The following NVL variants were observed in gnomAD, a reference collection of about 807,000 sequenced individuals.
NVL encodes nuclear valosin-containing protein-like.
Under a neutral mutation model 110.2 loss-of-function variants are expected in NVL, and 84 were observed. That is an observed-to-expected ratio of 0.76 (90% CI 0.64 to 0.91). NVL has a LOEUF of 0.91. Ranked by LOEUF, NVL falls within the 40% of genes least tolerant of loss-of-function variation. NVL has a pLI of 0.00. For synonymous variants in NVL, 354 were observed against 361.1 expected, an observed-to-expected ratio of 0.98 and a Z score of 0.22; for missense variants, 882 against 1,035.9, an observed-to-expected ratio of 0.85 and a Z score of 2.04.
chr1:224,290,118 A>T lies in NVL; in HGVS notation c.1326-385T>A, dbSNP rs1017593400. Among the ~76,000 whole-genome samples the T allele has an allele frequency of 3.7e-4, 56 of 152,204 alleles. 1 individual carries two copies. Among genetic ancestry groups the T allele is most frequent in the Non-Finnish European group, 7.3e-5 (5 of 68,044 alleles). The stretch of plus-strand genomic sequence containing the variant: ...AGCCCCCACATACACACAAACCATT[A>T]ATTATCTTCATCATTGAAAATTATC... On this transcript the variant is annotated intron_variant, in intron 12 of 22. Coordinates refer to ENST00000281701, the MANE Select transcript of NVL (RefSeq NM_002533.4).
chr1:224,254,097 T>G (rs181351840), intron 18 of NVL, among the ~76,000 whole-genome samples: 1 of 152,078 alleles, frequency 6.6e-6, no homozygotes, highest in Non-Finnish European at 1.5e-5. Flanking sequence ...TACAACATGT[T>G]TTTTTTTGTT....
At chr1:224,315,799 A>G (rs1006939750) in intron 4 of NVL, among the ~76,000 whole-genome samples, 5 of 152,216 alleles carry the variant, frequency 3.3e-5, no homozygotes, top group Non-Finnish European at 2.9e-5. Flanking sequence ...TTCTGTCACT[A>G]TATGTTACAT....
intron 18 of NVL, among the ~76,000 whole-genome samples, chr1:224,253,549 A>G (rs1662764922): frequency 6.6e-6 from 1 of 150,782 alleles, no homozygotes; most frequent in Non-Finnish European, 1.5e-5. Flanking sequence ...CCTGGCCAAC[A>G]TGGTGAAACC....
At chr1:224,319,017 T>C (rs1174705931) in intron 2 of NVL, among the ~76,000 whole-genome samples, 3 of 144,990 alleles carry the variant, frequency 2.1e-5, no homozygotes, top group African/African-American at 7.7e-5. Flanking sequence ...CAGCTGGGTG[T>C]GGTGGTGCAC....
chr1:224,328,499 C>A (rs181344944), intron 1 of NVL, among the ~76,000 whole-genome samples: 4 of 150,222 alleles, frequency 2.7e-5, no homozygotes, highest in African/African-American at 9.8e-5. Context: ...ATGTCTCTGG[C>A]TGCTCTGTGG....
chr1:224,290,977 T>TA (rs1381058437), intron 12 of NVL, among the ~76,000 whole-genome samples: 3 of 151,656 alleles, frequency 2.0e-5, no homozygotes, highest in African/African-American at 2.4e-5. Flanking sequence ...TCGAATAATT[T>TA]AAAAAAAAGA....
At position 224,305,170 on chromosome 1, in the gene NVL, G is replaced by A; in HGVS notation, c.616-4C>T. Reference sequence around the variant, plus strand: ...AAAGAGAAGAATCTTTTGAATCCTGGAAAGAAAATAAATTTAAATATGCCA... The same window carrying A: ...AAAGAGAAGAATCTTTTGAATCCTGAAAAGAAAATAAATTTAAATATGCCA... On this transcript the variant is annotated splice_polypyrimidine_tract_variant and splice_region_variant and intron_variant, in intron 6 of 22. Transcript: ENST00000281701. 6.3e-7 allele frequency: 1 copy of A among 1,595,340 alleles called. No individual in the cohort carries two copies. The highest frequency in any genetic ancestry group is 1.7e-4 in the Middle Eastern group (1 of 5,960).
chr1:224,287,585 C>CA (rs901086087), intron 14 of NVL, among the ~76,000 whole-genome samples, 190 bp downstream of exon 14: 2 of 151,942 alleles, frequency 1.3e-5, no homozygotes, highest in Non-Finnish European at 2.9e-5. Flanking sequence ...AAAAAATAAA[C>CA]AAATCGGATC....
intron 21 of NVL, among the ~76,000 whole-genome samples, chr1:224,232,358 AT>A (rs1659991820): frequency 6.6e-6 from 1 of 151,862 alleles, no homozygotes; most frequent in South Asian, 2.1e-4. Flanking sequence ...CTCAAAAAAA[AT>A]AAATAAATAA....
intron 19 of NVL, among the ~76,000 whole-genome samples, chr1:224,236,908 C>G (rs887848197): frequency 1.3e-5 from 2 of 152,140 alleles, no homozygotes. Context: ...GAGACTGAGT[C>G]TCAAAGATAA....
chr1:224,296,687 A>G (rs1667914330), intron 10 of NVL, 69 bp from the exon 11 acceptor site: 1 of 929,332 alleles, frequency 1.1e-6, no homozygotes, highest in Admixed American at 2.6e-5. Flanking sequence ...AATTAAGCAT[A>G]TACATTTTAA....
intron 3 of NVL, 21 bp from the exon 4 acceptor site, chr1:224,317,814 C>T (rs374989582): frequency 1.9e-6 from 3 of 1,564,312 alleles, no homozygotes; most frequent in South Asian, 1.1e-5. Flanking sequence ...AAGAAAAACG[C>T]TATGAGCTAA....
At chr1:224,292,690 T>G (rs1313010586) in intron 12 of NVL, among the ~76,000 whole-genome samples, 2 of 152,104 alleles carry the variant, frequency 1.3e-5, no homozygotes, top group African/African-American at 4.8e-5. Flanking sequence ...ATATGTGCAA[T>G]TACTCCCACA....
intron 16 of NVL, among the ~76,000 whole-genome samples, chr1:224,279,834 T>C (rs1028166448): frequency 2.0e-5 from 3 of 152,142 alleles, no homozygotes; most frequent in Non-Finnish European, 4.4e-5. Flanking sequence ...CTCATAAACC[T>C]CATACTTGAA....
At chr1:224,237,884 G>A (rs1161664748) in intron 19 of NVL, among the ~76,000 whole-genome samples, 1 of 150,836 alleles carries the variant, frequency 6.6e-6, no homozygotes, top group African/African-American at 2.4e-5. Context: ...AACCCGGGAG[G>A]TGGAGGCTGT....
chr1:224,272,957 C>T (rs577374554), intron 17 of NVL, among the ~76,000 whole-genome samples: 66 of 147,568 alleles, frequency 4.5e-4, no homozygotes, highest in African/African-American at 1.6e-3. Context: ...TGGCGTGAAC[C>T]CGGGAGGCGG....
chr1:224,230,377 G>T (rs1659736594), intron 22 of NVL, among the ~76,000 whole-genome samples: 1 of 152,182 alleles, frequency 6.6e-6, no homozygotes, highest in Admixed American at 6.5e-5. Flanking sequence ...GGCCAAGGCG[G>T]GTGGATCACG....
At chr1:224,301,197 T>C (rs1032489813) in intron 9 of NVL, among the ~76,000 whole-genome samples, 3 of 152,220 alleles carry the variant, frequency 2.0e-5, no homozygotes, top group African/African-American at 7.2e-5. Context: ...TATAAAATTC[T>C]ATTATCTTTT....
chr1:224,329,554 T>C (rs898787487), intron 1 of NVL, among the ~76,000 whole-genome samples: 5 of 152,170 alleles, frequency 3.3e-5, no homozygotes, highest in Non-Finnish European at 5.9e-5. Flanking sequence ...TCTGAGGTAT[T>C]TGCCACACAC....
Sources: gnomAD v4.1 joint callset for allele counts (sites outside exome capture counted in the v4.1 genomes callset) on GRCh38, gnomAD v4.1.1 for gene constraint, MANE v1.5 for transcripts, NCBI Gene and HGNC (gene_info 2026-07-23, HGNC 2026-07-21) for gene names.